MBNL1: variants seen among roughly 807,000 people sequenced by gnomAD.
MBNL1 encodes the protein muscleblind-like protein 1.
A neutral mutation model predicts 42.2 loss-of-function variants in MBNL1; 8 were observed. The observed-to-expected ratio is 0.19, with a 90% CI of 0.11 to 0.34. The LOEUF is 0.34. MBNL1 is among the 10% of genes least tolerant of loss of function. The pLI is 1.00. For missense variants in MBNL1, 309 were observed against 495.3 expected, an observed-to-expected ratio of 0.62 and a Z score of 3.57; for synonymous variants, 169 against 173.9, an observed-to-expected ratio of 0.97 and a Z score of 0.22.
intron 2 of MBNL1, among the ~76,000 whole-genome samples, chr3:152,391,730 A>G (rs2097724153): frequency 6.6e-6 from 1 of 152,204 alleles, no homozygotes; most frequent in Admixed American, 6.5e-5. Context: ...ATAATTCAAG[A>G]TGAAAAATAG....
At chr3:152,385,096 ATACT>A (rs1283678984) in intron 2 of MBNL1, among the ~76,000 whole-genome samples, 1 of 152,116 alleles carries the variant, frequency 6.6e-6, no homozygotes, top group Non-Finnish European at 1.5e-5. Context: ...TTTGGTAGCG[ATACT>A]TAGTTTTGAG....
At chr3:152,389,463 T>C (rs955600143) in intron 2 of MBNL1, among the ~76,000 whole-genome samples, 5 of 152,190 alleles carry the variant, frequency 3.3e-5, no homozygotes, top group Admixed American at 6.5e-5. Context: ...TTTGTCATTA[T>C]GTAAACATCA....
intron 2 of MBNL1, among the ~76,000 whole-genome samples, chr3:152,252,213 C>CTCCT (rs1421636987): frequency 3.7e-4 from 46 of 122,946 alleles, no homozygotes; most frequent in African/African-American, 1.4e-3. Flanking sequence ...CCTTCCTTCC[C>CTCCT]TCCTTCCTTC....
Position 152,298,001 on chromosome 3 carries a change from C to T in MBNL1, c.-789-1404C>T, listed in dbSNP as rs117299635. Among the ~76,000 whole-genome samples the T allele has an allele frequency of 4.6e-4, 70 of 152,170 alleles. No individual in the cohort carries two copies. In the East Asian group the frequency reaches 0.012, roughly 26 times the overall value. ...AGTTGTAGTCGTACTGTAGTATTTT[C>T]CAAATAGTTTTGGAAAGTAGTTTTT... On this transcript the variant is annotated intron_variant, in intron 1 of 9. Transcript: ENST00000324210.
At chr3:152,337,950 C>G (rs1287791149) in intron 2 of MBNL1, 2 of 262,068 alleles carry the variant, frequency 7.6e-6, no homozygotes, top group Non-Finnish European at 1.2e-5. Flanking sequence ...AATAATGTTG[C>G]CTTTTAATTT....
chr3:152,307,280 C>T (rs960561985), intron 2 of MBNL1, among the ~76,000 whole-genome samples: 6 of 152,138 alleles, frequency 3.9e-5, no homozygotes, highest in Admixed American at 6.5e-5. Flanking sequence ...TGAGTCACCG[C>T]GCCCAGCCTA....
chr3:152,404,280 T>G (rs1043180269), intron 2 of MBNL1, among the ~76,000 whole-genome samples: 2 of 152,110 alleles, frequency 1.3e-5, no homozygotes, highest in African/African-American at 4.8e-5. Context: ...GTTTAGAAAA[T>G]TATTTAAGCA....
At chr3:152,421,339 C>T (rs1320761670) in intron 3 of MBNL1, among the ~76,000 whole-genome samples, 1 of 152,178 alleles carries the variant, frequency 6.6e-6, no homozygotes, top group East Asian at 1.9e-4. Flanking sequence ...GGAAAGGCGG[C>T]TGAAGCCAGG....
chr3:152,378,793 C>T (rs1034679163), intron 2 of MBNL1, among the ~76,000 whole-genome samples: 2 of 152,142 alleles, frequency 1.3e-5, no homozygotes, highest in East Asian at 1.9e-4. Flanking sequence ...CATGGCTCAC[C>T]GCAGCCTCAA....
intron 2 of MBNL1, among the ~76,000 whole-genome samples, chr3:152,390,598 TAATTG>T (rs1579335598): frequency 6.9e-6 from 1 of 144,996 alleles, no homozygotes; most frequent in Admixed American, 7.1e-5. Flanking sequence ...GTACTGTACA[TAATTG>T]TATTGTTATG....
rs181782481 is a variant in MBNL1, at chr3:152,324,267, T to A, written c.174+23900T>A. Among the ~76,000 whole-genome samples the A allele has an allele frequency of 7.2e-5, 11 of 152,312 alleles. No individual in the cohort carries two copies. The East Asian group carries it at 2.1e-3, about 29-fold the overall frequency. On this transcript the variant is annotated intron_variant, in intron 2 of 9. Coordinates refer to ENST00000324210, the MANE Select transcript of MBNL1 (RefSeq NM_021038.5). ...ATTGCCTTTCACACATTATATTCCT[T>A]AGGAGTTTATTAATTTCAAATATAA... is the stretch of plus-strand genomic sequence containing the variant.
chr3:152,305,767 G>A (rs1251777600), intron 2 of MBNL1, among the ~76,000 whole-genome samples: 1 of 152,178 alleles, frequency 6.6e-6, no homozygotes, highest in Non-Finnish European at 1.5e-5. Context: ...CTGTAAACAA[G>A]CTTGATTCTA....
chr3:152,320,159 C>T (rs2075542526), intron 2 of MBNL1, among the ~76,000 whole-genome samples: 1 of 152,080 alleles, frequency 6.6e-6, no homozygotes, highest in Admixed American at 6.6e-5. Flanking sequence ...ATGTTTCTTC[C>T]AGACTATGAC....
intron 2 of MBNL1, chr3:152,300,788 T>C (rs1482870910): frequency 4.5e-6 from 1 of 223,084 alleles, no homozygotes; most frequent in African/African-American, 2.3e-5. Flanking sequence ...GAGAAGCAGA[T>C]TTAAAATCAG....
In MBNL1 at chr3:152,344,558, C is replaced by T. The variant is rs1044037129; in HGVS notation, c.174+44191C>T. Among the ~76,000 whole-genome samples, 13 of 152,252 alleles carry T rather than the reference C, an allele frequency of 8.5e-5. No homozygotes were observed. The Middle Eastern group carries it at 0.01, about 120-fold the overall frequency. On this transcript the variant is annotated intron_variant, in intron 2 of 9. Transcript: ENST00000324210. Reference sequence around the variant, plus strand: ...AACTCAAACCAAGTGTTTCCGTGAACATTTGTGTCTTCTTAATTTGAAAAA... The same window carrying T: ...AACTCAAACCAAGTGTTTCCGTGAATATTTGTGTCTTCTTAATTTGAAAAA...
At chr3:152,396,177 C>A (rs777742351) in intron 2 of MBNL1, 27 of 370,316 alleles carry the variant, frequency 7.3e-5, no homozygotes, top group Admixed American at 2.2e-4. Context: ...ATAGGACCAT[C>A]TAGTTGCAGG....
chr3:152,455,800 T>C (rs1196512242), intron 7 of MBNL1, among the ~76,000 whole-genome samples: 2 of 152,226 alleles, frequency 1.3e-5, no homozygotes, highest in Non-Finnish European at 2.9e-5. Flanking sequence ...GGATTTTGAT[T>C]GGACTATGAG....
At chr3:152,396,849 T>C (rs1164316334) in intron 2 of MBNL1, among the ~76,000 whole-genome samples, 1 of 152,200 alleles carries the variant, frequency 6.6e-6, no homozygotes, top group Non-Finnish European at 1.5e-5. Context: ...GAACAGTATT[T>C]AGTATAAATG....
At chr3:152,263,424 C>T (rs945915737), upstream of MBNL1, 5 of 152,196 alleles carry the variant, frequency 3.3e-5, no homozygotes, top group Non-Finnish European at 5.9e-5. Context: ...CATACCACAT[C>T]TCCCTTCCCT....
Sources: gnomAD v4.1 joint callset for allele counts (sites outside exome capture counted in the v4.1 genomes callset) on GRCh38, gnomAD v4.1.1 for gene constraint, MANE v1.5 for transcripts, NCBI Gene and HGNC (gene_info 2026-07-23, HGNC 2026-07-21) for gene names.